The following CCNY variants were observed in gnomAD, a reference collection of about 807,000 sequenced individuals.
The protein encoded by CCNY is cyclin Y.
Under a neutral mutation model 42.8 loss-of-function variants are expected in CCNY, and 19 were observed. The ratio of observed to expected loss-of-function variants is 0.44; its 90% CI spans 0.31 to 0.65. The LOEUF (loss-of-function observed/expected upper bound fraction) is 0.65. CCNY is among the 30% of genes least tolerant of loss of function. The pLI is 0.07. For missense variants in CCNY, 370 were observed against 437.3 expected (o/e 0.85, Z 1.37); for synonymous variants, 165 against 162.7 (o/e 1.01, Z -0.11).
intron 4 of CCNY, among the ~76,000 whole-genome samples, chr10:35,519,963 A>G (rs897643807): frequency 5.3e-5 from 8 of 151,448 alleles, no homozygotes; most frequent in Non-Finnish European, 1.2e-4. Flanking sequence ...TTTTTTGTAG[A>G]GACATTTGTT....
At chr10:35,330,599 TAC>T (rs1398424762) in intron 3 of CCNY, among the ~76,000 whole-genome samples, 2 of 152,228 alleles carry the variant, frequency 1.3e-5, no homozygotes, top group Non-Finnish European at 2.9e-5. Context: ...CAATGATTTA[TAC>T]ACACAGTTTA....
intron 3 of CCNY, among the ~76,000 whole-genome samples, chr10:35,303,407 C>T (rs796964925): frequency 2.5e-4 from 38 of 150,100 alleles, no homozygotes; most frequent in African/African-American, 7.8e-4. Context: ...CTTGAACTCT[C>T]GACCTCAGGT....
chr10:35,480,253 C>T (rs1839637101), intron 1 of CCNY, among the ~76,000 whole-genome samples: 2 of 152,162 alleles, frequency 1.3e-5, no homozygotes, highest in East Asian at 1.9e-4. Flanking sequence ...TATAACTTGG[C>T]CATGAAGGAA....
chr10:35,252,782 CTT>C, intron 3 of CCNY, among the ~76,000 whole-genome samples: 1 of 152,140 alleles, frequency 6.6e-6, no homozygotes, highest in African/African-American at 2.4e-5. Context: ...ATCCAAATGA[CTT>C]TATTGAATAG....
chr10:35,435,222 C>G (rs1281541577), intron 1 of CCNY, among the ~76,000 whole-genome samples: 3 of 152,222 alleles, frequency 2.0e-5, no homozygotes, highest in Non-Finnish European at 4.4e-5. Context: ...GTCCCTATCT[C>G]TGCCAGGGCC....
intron 1 of CCNY, among the ~76,000 whole-genome samples, chr10:35,473,598 T>C (rs1839435403): frequency 6.6e-6 from 1 of 152,158 alleles, no homozygotes; most frequent in South Asian, 2.1e-4. Flanking sequence ...TGTGAACAAT[T>C]AGTGTTTAGA....
rs571848073 is a variant in CCNY, at chr10:35,483,550, A to C, written c.229+72A>C. Reference sequence around the variant, plus strand: ...GTACTTCGCCTAGTGTTGATTTCCCACAGGATTTAATTTTCAATATGAAAT... The same window carrying C: ...GTACTTCGCCTAGTGTTGATTTCCCCCAGGATTTAATTTTCAATATGAAAT... On this transcript the variant is annotated intron_variant, in intron 2 of 9. Transcript: ENST00000374704. The C allele has an allele frequency of 1.6e-5, 15 of 938,160 alleles. No individual in the cohort carries two copies. The South Asian group carries it at 2.0e-4, about 12-fold the overall frequency. The allele number at this position is 938,160 out of a possible 1,614,324, so 58.1% of individuals were successfully genotyped here.
chr10:35,282,524 G>A (rs772454561), intron 3 of CCNY, among the ~76,000 whole-genome samples: 20 of 151,784 alleles, frequency 1.3e-4, no homozygotes, highest in Non-Finnish European at 2.4e-4. Context: ...TCAGGAATTC[G>A]AGACCAGCCT....
chr10:35,355,527 A>C (rs1358702665), intron 1 of CCNY, among the ~76,000 whole-genome samples: 1 of 151,762 alleles, frequency 6.6e-6, no homozygotes, highest in Non-Finnish European at 1.5e-5. Flanking sequence ...AAAATATGAA[A>C]ATTAGCTGGG....
rs372066353 is a variant in CCNY, at chr10:35,565,597, G to A, written c.747-426G>A. ...TCCCTGGAGGTAGGGAGGGGCCACC[G>A]AGGAAGCCAATGTCCTCTAGGTCTG... On this transcript the variant is annotated intron_variant, in intron 8 of 9. Transcript: ENST00000374704. Among the ~76,000 whole-genome samples, 61 of 152,310 alleles carry A rather than the reference G, an allele frequency of 4.0e-4. No homozygotes were observed. The East Asian group carries it at 8.5e-3, about 21-fold the overall frequency.
chr10:35,442,071 C>G (rs529356887), intron 1 of CCNY, among the ~76,000 whole-genome samples: 7 of 152,102 alleles, frequency 4.6e-5, no homozygotes, highest in African/African-American at 7.2e-5. Flanking sequence ...GCTTAAAAGT[C>G]CTAGTAAAGC....
chr10:35,411,363 A>G (rs1332460062), intron 1 of CCNY, among the ~76,000 whole-genome samples: 3 of 151,994 alleles, frequency 2.0e-5, no homozygotes, highest in African/African-American at 7.3e-5. Flanking sequence ...AAATACAAAA[A>G]TTAGCCAGGC....
chr10:35,483,386 A>C lies in CCNY; in HGVS notation c.155-18A>C, dbSNP rs2135367398. On this transcript the variant is annotated intron_variant, in intron 1 of 9. Transcript: ENST00000374704. ...ATCAGATGGTTTATTCATATAATTT[A>C]TTTTCCTTTCTTTAAAGATTTGAAC... 1 of 1,543,188 alleles carries C rather than the reference A, an allele frequency of 6.5e-7. No homozygotes were observed. Among genetic ancestry groups the C allele is most frequent in the Non-Finnish European group, 8.9e-7 (1 of 1,119,230 alleles).
intron 4 of CCNY, 40 bp downstream of exon 4, chr10:35,516,663 T>C: frequency 1.5e-5 from 3 of 198,454 alleles, no homozygotes; most frequent in Non-Finnish European, 2.5e-5. Flanking sequence ...CTTCCTTCCT[T>C]TTTTTTTTTT....
intron 3 of CCNY, among the ~76,000 whole-genome samples, chr10:35,284,600 A>G (rs932970610): frequency 1.3e-5 from 2 of 150,692 alleles, no homozygotes; most frequent in African/African-American, 4.9e-5. Flanking sequence ...TTTTTCGTTT[A>G]TTTTCAATTT....
At position 35,342,749 on chromosome 10, in the gene CCNY, T is replaced by C. The variant is rs1009711754; in HGVS notation, c.154+5542T>C. ...CTCCCCATTTTCTAGGTGAAGAAAT[T>C]GAGCCTTAAAGGTTAAGGCATTTGC... On this transcript the variant is annotated intron_variant, in intron 1 of 9. Transcript: ENST00000374704. Among the ~76,000 whole-genome samples the C allele has an allele frequency of 3.3e-5, 5 of 152,178 alleles. No homozygotes were observed. The East Asian group carries it at 7.7e-4, about 23-fold the overall frequency.
chr10:35,435,693 C>G (rs1838514186), intron 1 of CCNY, among the ~76,000 whole-genome samples: 1 of 152,192 alleles, frequency 6.6e-6, no homozygotes, highest in South Asian at 2.1e-4. Flanking sequence ...CAGTCACAGA[C>G]CTTGCGAGCT....
At chr10:35,565,223 T>C (rs1841545523) in intron 8 of CCNY, among the ~76,000 whole-genome samples, 1 of 152,210 alleles carries the variant, frequency 6.6e-6, no homozygotes, top group African/African-American at 2.4e-5. Context: ...GCAGGGTGGA[T>C]CTTAGCACCT....
At chr10:35,319,422 GA>G (rs2135093998) in intron 3 of CCNY, among the ~76,000 whole-genome samples, 1 of 151,860 alleles carries the variant, frequency 6.6e-6, no homozygotes, top group Non-Finnish European at 1.5e-5. Flanking sequence ...GAGCAAGCAG[GA>G]AAAGAAAAAA....
Sources: allele counts gnomAD v4.1 joint callset (sites outside exome capture counted in the v4.1 genomes callset), GRCh38; gene constraint gnomAD v4.1.1; transcripts MANE v1.5; gene names NCBI Gene and HGNC (gene_info 2026-07-23, HGNC 2026-07-21).